RBFOX1: variants seen among roughly 807,000 people sequenced by gnomAD.
RBFOX1 encodes RNA binding protein fox-1 homolog 1.
In RBFOX1, 8 loss-of-function variants were observed where a neutral mutation model predicts 57.7. The ratio of observed to expected loss-of-function variants is 0.14; its 90% CI spans 0.08 to 0.25. The LOEUF (loss-of-function observed/expected upper bound fraction) is 0.25. Among genes scored for constraint, RBFOX1 ranks in the 10% least tolerant of loss-of-function variants. The pLI is 1.00. For synonymous variants in RBFOX1, 326 were observed against 222.4 expected, an observed-to-expected ratio of 1.47 and a Z score of -4.15; for missense variants, 611 against 548.5, an observed-to-expected ratio of 1.11 and a Z score of -1.14.
At chr16:6,868,917 G>T (rs2060399801) in intron 3 of RBFOX1, among the ~76,000 whole-genome samples, 1 of 152,186 alleles carries the variant, frequency 6.6e-6, no homozygotes, top group Non-Finnish European at 1.5e-5. Context: ...CATTTTGTGA[G>T]TTACCACATT....
chr16:6,741,858 G>A (rs967199715), intron 3 of RBFOX1, among the ~76,000 whole-genome samples: 1 of 152,134 alleles, frequency 6.6e-6, no homozygotes, highest in African/African-American at 2.4e-5. Flanking sequence ...AGAAATGTTT[G>A]TCAAAGCATA....
downstream of RBFOX1, among the ~76,000 whole-genome samples, chr16:5,603,589 G>A (rs1290446147): frequency 6.6e-6 from 1 of 152,162 alleles, no homozygotes; most frequent in Non-Finnish European, 1.5e-5. Flanking sequence ...AAGTCCTGTT[G>A]GAGACCAATC....
chr16:5,771,921 C>T (rs1249664695), intron 3 of RBFOX1, among the ~76,000 whole-genome samples: 2 of 152,156 alleles, frequency 1.3e-5, no homozygotes, highest in African/African-American at 4.8e-5. Flanking sequence ...CGCCTGTAAT[C>T]CCAGCACTTT....
At chr16:6,054,858 C>A (rs1393971169) in intron 1 of RBFOX1, among the ~76,000 whole-genome samples, 4 of 152,098 alleles carry the variant, frequency 2.6e-5, no homozygotes, top group Non-Finnish European at 5.9e-5. Flanking sequence ...TCTTGGTTCA[C>A]TGCAACCTCT....
chr16:5,755,917 G>C (rs2053377749), intron 3 of RBFOX1, among the ~76,000 whole-genome samples: 1 of 152,154 alleles, frequency 6.6e-6, no homozygotes, highest in Non-Finnish European at 1.5e-5. Flanking sequence ...TTTTGGAGCT[G>C]AGGGCATAAT....
At chr16:7,016,350 A>G (rs1269459658) in intron 3 of RBFOX1, among the ~76,000 whole-genome samples, 1 of 152,168 alleles carries the variant, frequency 6.6e-6, no homozygotes, top group African/African-American at 2.4e-5. Flanking sequence ...GGTATAAACT[A>G]GCCTATAGAG....
At chr16:6,112,193 G>A (rs1379810483) in intron 1 of RBFOX1, among the ~76,000 whole-genome samples, 1 of 152,100 alleles carries the variant, frequency 6.6e-6, no homozygotes, top group Non-Finnish European at 1.5e-5. Flanking sequence ...TACATTCTGT[G>A]GACTTTAAGA....
At chr16:7,257,154 C>T (rs149489627) in intron 4 of RBFOX1, among the ~76,000 whole-genome samples, 5 of 152,284 alleles carry the variant, frequency 3.3e-5, no homozygotes, top group South Asian at 2.1e-4. Context: ...AAACCCTTTC[C>T]GGTCCAACTG....
chr16:5,340,626 G>C (rs1312698361), intron 1 of RBFOX1, among the ~76,000 whole-genome samples: 1 of 152,176 alleles, frequency 6.6e-6, no homozygotes, highest in African/African-American at 2.4e-5. Flanking sequence ...ACTGGCTTTT[G>C]CTGGTAGGAA....
chr16:7,332,845 C>G, intron 4 of RBFOX1: 1 of 1,451,822 alleles, frequency 6.9e-7, no homozygotes, highest in Non-Finnish European at 9.0e-7. Flanking sequence ...TGCGGATTTT[C>G]TTTCTTTCCT....
intron 3 of RBFOX1, among the ~76,000 whole-genome samples, chr16:6,989,638 G>C (rs2091066875): frequency 6.6e-6 from 1 of 152,138 alleles, no homozygotes; most frequent in Admixed American, 6.6e-5. Context: ...AGACTGTCTG[G>C]AGAATAAAGA....
intron 3 of RBFOX1, among the ~76,000 whole-genome samples, chr16:5,717,205 A>G (rs1399931297): frequency 6.6e-6 from 1 of 152,064 alleles, no homozygotes; most frequent in African/African-American, 2.4e-5. Flanking sequence ...TAATCTCTTA[A>G]TTTCTTATTA....
chr16:7,556,158 T>G (rs1348388056), intron 5 of RBFOX1, among the ~76,000 whole-genome samples: 2 of 152,192 alleles, frequency 1.3e-5, no homozygotes, highest in African/African-American at 4.8e-5. Flanking sequence ...TAGCTTAAAA[T>G]TTGAGTATCA....
intron 4 of RBFOX1, among the ~76,000 whole-genome samples, chr16:7,249,950 C>T (rs1309272854): frequency 6.6e-6 from 1 of 152,244 alleles, no homozygotes; most frequent in Non-Finnish European, 1.5e-5. Flanking sequence ...GACTCTTTCT[C>T]TAAATCTCCT....
intron 4 of RBFOX1, among the ~76,000 whole-genome samples, chr16:7,076,852 C>G (rs772479921): frequency 2.6e-5 from 4 of 152,148 alleles, no homozygotes; most frequent in African/African-American, 7.2e-5. Flanking sequence ...GTTTCTTGTA[C>G]AATTTAAGTG....
chr16:6,885,221 G>A (rs144891333), intron 3 of RBFOX1, among the ~76,000 whole-genome samples: 1 of 152,102 alleles, frequency 6.6e-6, no homozygotes, highest in African/African-American at 2.4e-5. Context: ...CTAGAACTGT[G>A]GTTTTTCAGA....
chr16:6,865,434 G>A (rs2059753501), intron 3 of RBFOX1, among the ~76,000 whole-genome samples: 1 of 152,092 alleles, frequency 6.6e-6, no homozygotes, highest in South Asian at 2.1e-4. Flanking sequence ...TCATTAGTGT[G>A]TGCCATGGGG....
chr16:5,263,787 T>C (rs2062793957), intron 1 of RBFOX1, among the ~76,000 whole-genome samples: 1 of 152,118 alleles, frequency 6.6e-6, no homozygotes. Context: ...TTGGGGGTCT[T>C]TGAGATACAG....
At chr16:7,102,656 C>A (rs1378405703) in intron 4 of RBFOX1, among the ~76,000 whole-genome samples, 1 of 152,168 alleles carries the variant, frequency 6.6e-6, no homozygotes, top group South Asian at 2.1e-4. Flanking sequence ...CTATTTTCAA[C>A]AGTGAACATT....
Sources: gnomAD v4.1 joint callset for allele counts (sites outside exome capture counted in the v4.1 genomes callset) on GRCh38, gnomAD v4.1.1 for gene constraint, MANE v1.5 for transcripts, NCBI Gene and HGNC (gene_info 2026-07-23, HGNC 2026-07-21) for gene names.